C10orf67: variants seen among roughly 807,000 people sequenced by gnomAD.
The protein encoded by C10orf67 is uncharacterized protein C10orf67, mitochondrial.
Under a neutral mutation model 35.6 loss-of-function variants are expected in C10orf67, and 60 were observed. The observed-to-expected ratio is 1.68, with a 90% CI of 1.37 to 2.09. C10orf67 has a LOEUF of 2.09. C10orf67 is among the 30% of genes most tolerant of loss of function. The probability of loss-of-function intolerance (pLI) is 0.00; values close to 1 mark genes in which losing one functional copy is unlikely to be tolerated. For synonymous variants in C10orf67, 167 were observed against 115.8 expected, an observed-to-expected ratio of 1.44 and a Z score of -2.84; for missense variants, 474 against 330.2, an observed-to-expected ratio of 1.44 and a Z score of -3.38.
In C10orf67 at chr10:23,223,104, A is replaced by G. The variant is rs1037723247; in HGVS notation, c.1570+494T>C. 2.0e-5 allele frequency among the ~76,000 whole-genome samples: 3 copies of G among 152,082 alleles called. No homozygotes were observed. The East Asian group carries it at 5.8e-4, about 29-fold the overall frequency. ...ATTTTTTTTTTTAAATTTAAAGACA[A>G]GGTCTCACTCTGTCACCCAGGCTGG... On this transcript the variant is annotated intron_variant, in intron 15 of 15. Coordinates refer to ENST00000636213, the MANE Select transcript of C10orf67 (RefSeq NM_001371909.1).
intron 12 of C10orf67, among the ~76,000 whole-genome samples, chr10:23,246,877 T>A (rs999766199): frequency 9.2e-5 from 14 of 152,072 alleles, no homozygotes; most frequent in Admixed American, 8.5e-4. Flanking sequence ...CAGGTTGGAG[T>A]GCAGGGTGTG....
intron 12 of C10orf67, among the ~76,000 whole-genome samples, chr10:23,248,245 G>A (rs1455109540): frequency 6.6e-6 from 1 of 152,240 alleles, no homozygotes; most frequent in Non-Finnish European, 1.5e-5. Context: ...GCCGCCTGGG[G>A]TGGAGGTGGA....
rs564102135 is a variant in C10orf67, at chr10:23,333,117, G to C, written c.272C>G (p.Ser91Cys). ...FSTDHATQTD[S>C]SEILSVKELS... ...TTCTTTTACTGACAGTATTTCACTG[G>C]AATCAGTTTGAGTGGCATGGTCTGT... The change falls in exon 2 of 16, where the codon TCC becomes TGC. Residue 91 changes from serine to cysteine, a missense_variant. Physicochemically the swap from Ser to Cys is moderately radical, Grantham distance 112. Transcript: ENST00000636213. 31 of 1,610,182 alleles carry C rather than the reference G, an allele frequency of 1.9e-5. No homozygotes were observed. The highest frequency in any genetic ancestry group is 1.7e-4 in the Middle Eastern group (1 of 6,054).
chr10:23,333,251 CT>C (rs1214985658), intron 1 of C10orf67, 69 bp from the exon 2 acceptor site: 17 of 1,396,650 alleles, frequency 1.2e-5, no homozygotes, highest in East Asian at 1.2e-4. Flanking sequence ...GTTAATGCGT[CT>C]TTTTTTGTGT....
intron 2 of C10orf67, among the ~76,000 whole-genome samples, chr10:23,324,152 T>G (rs1845091735): frequency 6.6e-6 from 1 of 150,806 alleles, no homozygotes; most frequent in Non-Finnish European, 1.5e-5. Flanking sequence ...TCCTATCTGG[T>G]GGGGTGGCTT....
chr10:23,223,207 T>C (rs1380314860), intron 15 of C10orf67, among the ~76,000 whole-genome samples: 1 of 152,068 alleles, frequency 6.6e-6, no homozygotes, highest in East Asian at 1.9e-4. Flanking sequence ...CTGATTAGCC[T>C]GGACTACAGG....
chr10:23,237,999 G>C (rs1181346304), intron 13 of C10orf67, among the ~76,000 whole-genome samples: 1 of 152,102 alleles, frequency 6.6e-6, no homozygotes, highest in East Asian at 1.9e-4. Context: ...TTAAATTCTG[G>C]TGTTTCCCTA....
chr10:23,249,622 A>G (rs1842400029), intron 12 of C10orf67, among the ~76,000 whole-genome samples: 1 of 152,230 alleles, frequency 6.6e-6, no homozygotes, highest in Admixed American at 6.5e-5. Flanking sequence ...ATAGCCAGGT[A>G]TAGAATTTTA....
chr10:23,232,041 C>T (rs1841926830), intron 13 of C10orf67, among the ~76,000 whole-genome samples: 1 of 152,130 alleles, frequency 6.6e-6, no homozygotes, highest in African/African-American at 2.4e-5. Context: ...CAATAGTTCC[C>T]TCCAGGAGGA....
chr10:23,247,130 T>A (rs1439939484), intron 12 of C10orf67, among the ~76,000 whole-genome samples: 3 of 151,340 alleles, frequency 2.0e-5, no homozygotes, highest in African/African-American at 2.4e-5. Context: ...AAAAAAATAT[T>A]TTTTTTTTGG....
rs1177979771 is a variant in C10orf67, at chr10:23,250,596, A to G, written c.1280+16T>C. 2.5e-6 allele frequency: 1 copy of G among 398,362 alleles called. No homozygotes were observed. The highest frequency in any genetic ancestry group is 4.4e-6 in the Non-Finnish European group (1 of 225,858). The allele number at this position is 398,362 out of a possible 1,614,324, so 24.7% of individuals were successfully genotyped here. A position where few individuals can be genotyped will look rare whatever the true frequency, so the allele number is the denominator to read the frequency against. On this transcript the variant is annotated intron_variant, in intron 11 of 15. Transcript: ENST00000636213. ...TTATATCTCATTACCAGTGCCTTTT[A>G]CTCTATTACCAGTACCTTTCCACCT...
intron 1 of C10orf67, among the ~76,000 whole-genome samples, chr10:23,333,585 C>G (rs1477378365): frequency 2.6e-5 from 4 of 152,164 alleles, no homozygotes; most frequent in African/African-American, 9.7e-5. Context: ...TTCTGGGATA[C>G]TCTATTAGAA....
chr10:23,225,782 C>T (rs982668858), intron 13 of C10orf67, among the ~76,000 whole-genome samples: 6 of 152,126 alleles, frequency 3.9e-5, no homozygotes, highest in East Asian at 1.9e-4. Flanking sequence ...CAGGCCATTA[C>T]GTAATGGTAA....
intron 5 of C10orf67, among the ~76,000 whole-genome samples, chr10:23,294,977 T>C (rs1346621350): frequency 6.6e-6 from 1 of 152,246 alleles, no homozygotes; most frequent in Admixed American, 6.5e-5. Context: ...GACCTGCCTT[T>C]GTGGCATTCA....
chr10:23,277,565 AAAT>A (rs1359543423), intron 8 of C10orf67, among the ~76,000 whole-genome samples: 1 of 151,670 alleles, frequency 6.6e-6, no homozygotes, highest in African/African-American at 2.4e-5. Context: ...AAAAAAAAAA[AAAT>A]AATAACACAC....
chr10:23,219,894 C>G (rs892709477), intron 15 of C10orf67, among the ~76,000 whole-genome samples: 34 of 152,152 alleles, frequency 2.2e-4, no homozygotes, highest in African/African-American at 8.0e-4. Context: ...AGGCTGGACA[C>G]AGTGGTTCAT....
rs781419639 is a variant in C10orf67 at position 23,223,826 on chromosome 10, A to T, written c.1435-8T>A. ...TAATAAGGGTTTTACTTTCTGAAAG[A>T]CACAAAAGATATGTACTGTGTTATC... On this transcript the variant is annotated splice_region_variant and splice_polypyrimidine_tract_variant and intron_variant, in intron 13 of 15. Transcript: ENST00000636213. The T allele has an allele frequency of 2.8e-6, 2 of 715,096 alleles. No homozygotes were observed. Among genetic ancestry groups the T allele is most frequent in the Admixed American group, 2.0e-5 (1 of 50,006 alleles). 44.3% of individuals were successfully genotyped at this position (715,096 alleles called of 1,614,324 possible). A position where few individuals can be genotyped will look rare whatever the true frequency, so the allele number is the denominator to read the frequency against.
At chr10:23,300,156 G>A (rs373945853) in intron 5 of C10orf67, among the ~76,000 whole-genome samples, 5 of 152,254 alleles carry the variant, frequency 3.3e-5, no homozygotes, top group African/African-American at 1.2e-4. Context: ...TTCTGACTCA[G>A]AGGATCTTTG....
chr10:23,264,249 G>A (rs773147063), intron 10 of C10orf67, among the ~76,000 whole-genome samples: 4 of 152,118 alleles, frequency 2.6e-5, no homozygotes, highest in Non-Finnish European at 4.4e-5. Flanking sequence ...AGAAGGGAGC[G>A]CTTAGAACAA....
Sources: allele counts gnomAD v4.1 joint callset (sites outside exome capture counted in the v4.1 genomes callset), GRCh38; gene constraint gnomAD v4.1.1; transcripts MANE v1.5; gene names NCBI Gene and HGNC (gene_info 2026-07-23, HGNC 2026-07-21).